Variants in SHISA9 observed in about 807,000 individuals in gnomAD.
The protein encoded by SHISA9 is shisa family member 9.
A neutral mutation model predicts 38.0 loss-of-function variants in SHISA9; 13 were observed. The ratio of observed to expected loss-of-function variants is 0.34; its 90% CI spans 0.22 to 0.54. The LOEUF (loss-of-function observed/expected upper bound fraction) is 0.54. SHISA9 is among the 20% of genes least tolerant of loss of function. The pLI is 0.91. For synonymous variants in SHISA9, 275 were observed against 242.0 expected (o/e 1.14, Z -1.27); for missense variants, 538 against 575.8 (o/e 0.93, Z 0.67).
At chr16:13,459,658 G>T in the SHISA9 span, among the ~76,000 whole-genome samples, 1 of 152,110 alleles carries the variant, frequency 6.6e-6, no homozygotes. Flanking sequence ...AGGGAACTGT[G>T]CATTTCTGTT....
the SHISA9 span, among the ~76,000 whole-genome samples, chr16:13,367,706 G>A: frequency 5.1e-4 from 59 of 115,650 alleles, no homozygotes; most frequent in Non-Finnish European, 7.1e-4. Context: ...GTGCGCGCGC[G>A]CGCGCGCACA....
chr16:13,173,950 G>A (rs2050710257), intron 2 of SHISA9, among the ~76,000 whole-genome samples: 2 of 152,000 alleles, frequency 1.3e-5, no homozygotes, highest in East Asian at 3.9e-4. Flanking sequence ...AGGTGTTCTG[G>A]GAAACTTAAT....
At chr16:13,345,923 C>T in the SHISA9 span, among the ~76,000 whole-genome samples, 1 of 151,410 alleles carries the variant, frequency 6.6e-6, no homozygotes, top group Admixed American at 6.6e-5. Context: ...TCATTCAGGT[C>T]CTTCGCCCAA....
intron 2 of SHISA9, among the ~76,000 whole-genome samples, chr16:13,119,176 C>T (rs1036396518): frequency 6.6e-6 from 1 of 152,164 alleles, no homozygotes; most frequent in Non-Finnish European, 1.5e-5. Flanking sequence ...CCACTTTTGC[C>T]CATTTCTTAT....
intron 2 of SHISA9, among the ~76,000 whole-genome samples, chr16:13,066,911 T>G (rs2073441288): frequency 6.6e-6 from 1 of 152,248 alleles, no homozygotes; most frequent in Admixed American, 6.5e-5. Context: ...CTAGAAGTTT[T>G]GTTCTAAATG....
At chr16:13,277,114 G>A in the SHISA9 span, among the ~76,000 whole-genome samples, 2 of 152,092 alleles carry the variant, frequency 1.3e-5, no homozygotes, top group East Asian at 1.9e-4. Flanking sequence ...TGAGGATCCA[G>A]TTTCATTCTC....
the SHISA9 span, among the ~76,000 whole-genome samples, chr16:13,246,583 A>C: frequency 6.6e-6 from 1 of 152,176 alleles, no homozygotes; most frequent in African/African-American, 2.4e-5. Flanking sequence ...TGTATCAGGC[A>C]CTGGGTTAGG....
chr16:13,431,086 T>C, the SHISA9 span, among the ~76,000 whole-genome samples: 1 of 152,136 alleles, frequency 6.6e-6, no homozygotes, highest in Admixed American at 6.5e-5. Flanking sequence ...CTACACATCC[T>C]CCAAGACCCA....
At chr16:12,906,919 A>G (rs1332830616) in intron 1 of SHISA9, among the ~76,000 whole-genome samples, 1 of 152,096 alleles carries the variant, frequency 6.6e-6, no homozygotes, top group African/African-American at 2.4e-5. Flanking sequence ...AAAGGGCAAA[A>G]CTGGCCCCAG....
At chr16:13,334,786 A>AG in the SHISA9 span, among the ~76,000 whole-genome samples, 1 of 151,696 alleles carries the variant, frequency 6.6e-6, no homozygotes, top group Non-Finnish European at 1.5e-5. Flanking sequence ...AAAAAAAAAA[A>AG]AAAAAGAATA....
chr16:13,304,820 C>T, the SHISA9 span, among the ~76,000 whole-genome samples: 3 of 152,106 alleles, frequency 2.0e-5, no homozygotes, highest in African/African-American at 7.2e-5. Flanking sequence ...TAAGTGAAGG[C>T]CTGCCATTCA....
chr16:13,367,656 G>GA, the SHISA9 span, among the ~76,000 whole-genome samples: 2 of 149,678 alleles, frequency 1.3e-5, no homozygotes, highest in South Asian at 2.1e-4. Context: ...TAGGATGCGG[G>GA]GGGGAATGAA....
chr16:13,179,905 AGACT>A (rs2142029908), intron 2 of SHISA9, among the ~76,000 whole-genome samples: 1 of 152,300 alleles, frequency 6.6e-6, no homozygotes, highest in South Asian at 2.1e-4. Context: ...AAGTGGGACA[AGACT>A]GGAAATGTTT....
At chr16:13,299,054 C>A in the SHISA9 span, among the ~76,000 whole-genome samples, 1 of 152,174 alleles carries the variant, frequency 6.6e-6, no homozygotes, top group Non-Finnish European at 1.5e-5. Context: ...TTGTAAGGGG[C>A]CTACAGAAGG....
the SHISA9 span, among the ~76,000 whole-genome samples, chr16:13,461,623 ATT>A: frequency 3.1e-3 from 330 of 106,876 alleles, 2 homozygotes; most frequent in African/African-American, 0.01. Flanking sequence ...TTTTTTTTTA[ATT>A]TTTTTTTTTT....
At chr16:13,344,741 C>A in the SHISA9 span, among the ~76,000 whole-genome samples, 13 of 152,242 alleles carry the variant, frequency 8.5e-5, 1 homozygote, top group South Asian at 2.7e-3. Context: ...AAACTGAAGG[C>A]ACAGCAAAGT....
At chr16:12,942,873 C>T (rs921296969) in intron 2 of SHISA9, among the ~76,000 whole-genome samples, 2 of 152,118 alleles carry the variant, frequency 1.3e-5, no homozygotes, top group Admixed American at 1.3e-4. Context: ...TGGGACGTGT[C>T]TCTCACCTTT....
At chr16:12,926,533 C>T (rs527504030) in intron 2 of SHISA9, among the ~76,000 whole-genome samples, 2 of 152,294 alleles carry the variant, frequency 1.3e-5, no homozygotes, top group Non-Finnish European at 2.9e-5. Context: ...ATAAATAGGA[C>T]ATATCCTCTT....
intron 2 of SHISA9, among the ~76,000 whole-genome samples, chr16:13,103,379 TTA>T (rs1308414487): frequency 3.3e-5 from 5 of 152,172 alleles, no homozygotes; most frequent in African/African-American, 1.2e-4. Flanking sequence ...AGGGAAATGA[TTA>T]TGTTTCTGAG....
Sources: allele counts gnomAD v4.1 joint callset (sites outside exome capture counted in the v4.1 genomes callset), GRCh38; gene constraint gnomAD v4.1.1; transcripts MANE v1.5; gene names NCBI Gene and HGNC (gene_info 2026-07-23, HGNC 2026-07-21).